The following STAMBPL1 variants were observed in gnomAD, a reference collection of about 807,000 sequenced individuals.
STAMBPL1 encodes the protein STAM binding protein like 1.
STAMBPL1 carries 44 observed loss-of-function variants against 52.9 expected under a neutral mutation model. The observed-to-expected ratio is 0.83, with a 90% CI of 0.65 to 1.07. The LOEUF (loss-of-function observed/expected upper bound fraction) is 1.07. STAMBPL1 is among the 50% of genes least tolerant of loss of function. The pLI is 0.00. For missense variants in STAMBPL1, 511 were observed against 520.8 expected (o/e 0.98, Z 0.18); for synonymous variants, 164 against 177.3 (o/e 0.92, Z 0.60).
At position 88,913,232 on chromosome 10, in the gene STAMBPL1, C is replaced by A. The variant is rs768911348; in HGVS notation, c.552C>A (p.Leu184=). 1 of 1,613,744 alleles carries A rather than the reference C, an allele frequency of 6.2e-7. No individual in the cohort carries two copies. The highest frequency in any genetic ancestry group is 1.7e-5 in the Admixed American group (1 of 59,926). ...AGTTTCTGTTTTTCGAAGATCAACT[C>A]AAGAAGCAAGAGTTAGCCCGAGGTC... ...SEQFLFFEDQ[L]KKQELARGQM... Residue 184 remains leucine, a synonymous_variant, in exon 6 of 11, where the codon CTC becomes CTA. Coordinates refer to ENST00000371926, the MANE Select transcript of STAMBPL1 (RefSeq NM_020799.4).
intron 1 of STAMBPL1, among the ~76,000 whole-genome samples, chr10:88,895,978 C>T (rs1031173639): frequency 6.6e-6 from 1 of 152,144 alleles, no homozygotes; most frequent in Admixed American, 6.5e-5. Context: ...CATTCTTGCT[C>T]ATTGATCTAA....
At chr10:88,916,091 T>C (rs1188591975) in intron 7 of STAMBPL1, among the ~76,000 whole-genome samples, 1 of 152,156 alleles carries the variant, frequency 6.6e-6, no homozygotes, top group African/African-American at 2.4e-5. Flanking sequence ...AATTTGTTTT[T>C]TCCTTTCTCT....
At chr10:88,898,235 G>A (rs1028755562) in intron 1 of STAMBPL1, among the ~76,000 whole-genome samples, 16 of 152,190 alleles carry the variant, frequency 1.1e-4, no homozygotes, top group South Asian at 1.0e-3. Flanking sequence ...ATTTATAAGA[G>A]TATGCAAGTA....
chr10:88,896,943 C>G (rs1210580012), intron 1 of STAMBPL1, among the ~76,000 whole-genome samples: 5 of 151,992 alleles, frequency 3.3e-5, no homozygotes, highest in Admixed American at 2.0e-4. Flanking sequence ...AAATAAGCAC[C>G]ATGCTAGGTC....
Position 88,910,931 on chromosome 10 carries a change from G to A in STAMBPL1, c.340G>A (p.Ala114Thr). ...QDIMKKLKEI[A>T]FPRTDELKND... ...TTTTTAAAAGAAACTGAAGGAGATT[G>A]CATTCCCAAGGACAGATGAATTGAA... is the stretch of plus-strand genomic sequence containing the variant. Residue 114 changes from alanine (A) to threonine (T), a missense_variant, in exon 5 of 11, where the codon GCA (alanine) becomes ACA (threonine). Around this residue, in one of 3 missense-constraint regions of STAMBPL1, gnomAD observed 358 missense variants for 343.5 expected, o/e 1.04. Transcript: ENST00000371926. 6.3e-7 allele frequency: 1 copy of A among 1,586,900 alleles called. No homozygotes were observed. The highest frequency in any genetic ancestry group is 8.5e-7 in the Non-Finnish European group (1 of 1,171,014).
At chr10:88,893,627 G>C (rs1334805730) in intron 1 of STAMBPL1, among the ~76,000 whole-genome samples, 1 of 152,124 alleles carries the variant, frequency 6.6e-6, no homozygotes, top group African/African-American at 2.4e-5. Context: ...TGTAATCCCA[G>C]CTACTTAGGA....
chr10:88,893,600 G>A (rs952093586), intron 1 of STAMBPL1, among the ~76,000 whole-genome samples: 1 of 152,108 alleles, frequency 6.6e-6, no homozygotes, highest in Non-Finnish European at 1.5e-5. Flanking sequence ...AATTAGCCAG[G>A]CATGGTAGTG....
chr10:88,891,683 C>T lies in STAMBPL1; in HGVS notation c.-53-9973C>T, dbSNP rs538432352. On this transcript the variant is annotated intron_variant, in intron 1 of 10. Coordinates refer to ENST00000371926, the MANE Select transcript of STAMBPL1 (RefSeq NM_020799.4). ...AAGGTATTTTTTTGCCAAAAAAATG[C>T]ATAACTCTCATTGTTTTCTGTATTT... is the stretch of plus-strand genomic sequence containing the variant. Among the ~76,000 whole-genome samples, 81 of 152,180 alleles carry T rather than the reference C, an allele frequency of 5.3e-4. 2 individuals carry two copies. The South Asian group carries it at 0.017, about 31-fold the overall frequency.
At position 88,922,357 on chromosome 10, in the gene STAMBPL1, C is replaced by A. The variant is rs1193521205; in HGVS notation, c.1175C>A (p.Thr392Asn). Residue 392 changes from threonine to asparagine, a missense_variant, in exon 10 of 11, where the codon ACC becomes AAC. By Grantham distance (65) the Thr-to-Asn change is moderately conservative. Coordinates refer to ENST00000371926, the MANE Select transcript of STAMBPL1 (RefSeq NM_020799.4). Reference protein sequence around the residue: ...KHKDTGIFRLTNAGMLEVSAC... With the variant: ...KHKDTGIFRLNNAGMLEVSAC... The stretch of plus-strand genomic sequence containing the variant: ...TTTAGCACTGGCATCTTCAGGCTCA[C>A]CAATGCTGGCATGCTTGAGGTTTCT... 6.2e-7 allele frequency: 1 copy of A among 1,613,294 alleles called. No homozygotes were observed. Among genetic ancestry groups the A allele is most frequent in the South Asian group, 1.1e-5 (1 of 91,052 alleles).
In STAMBPL1 at chr10:88,887,359, A is replaced by G. The variant is rs116783781; in HGVS notation, c.-54+6721A>G. Among the ~76,000 whole-genome samples the G allele has an allele frequency of 1.1e-3, 168 of 152,322 alleles. 1 individual carries two copies. Among genetic ancestry groups the G allele is most frequent in the African/African-American group, 3.9e-3 (164 of 41,578 alleles). ...TGTGGATCTTGAAAGAAATATAACT[A>G]TCATATTCTTATGGCACACGTAGTT... On this transcript the variant is annotated intron_variant, in intron 1 of 10. Coordinates refer to ENST00000371926, the MANE Select transcript of STAMBPL1 (RefSeq NM_020799.4).
chr10:88,893,358 G>A (rs1348523951), intron 1 of STAMBPL1, among the ~76,000 whole-genome samples: 2 of 152,178 alleles, frequency 1.3e-5, no homozygotes, highest in African/African-American at 2.4e-5. Context: ...GAATTGAACT[G>A]TGTCTAGATA....
intron 5 of STAMBPL1, chr10:88,912,353 TTCATATTA>T (rs1845247876): frequency 6.6e-6 from 1 of 152,218 alleles, no homozygotes; most frequent in African/African-American, 2.4e-5. Context: ...TCATTAATAT[TTCATATTA>T]TCTGACCTAA....
intron 1 of STAMBPL1, among the ~76,000 whole-genome samples, chr10:88,886,636 T>C (rs1436137359): frequency 1.3e-5 from 2 of 152,286 alleles, no homozygotes; most frequent in African/African-American, 4.8e-5. Context: ...CAGGAATTAT[T>C]CATTTTAATT....
intron 10 of STAMBPL1, among the ~76,000 whole-genome samples, chr10:88,922,812 G>C (rs947996729): frequency 6.6e-6 from 1 of 151,940 alleles, no homozygotes; most frequent in Non-Finnish European, 1.5e-5. Flanking sequence ...TTTTTTCATA[G>C]CAATTGATGG....
intron 1 of STAMBPL1, among the ~76,000 whole-genome samples, chr10:88,884,350 C>G (rs1188776273): frequency 6.6e-6 from 1 of 152,118 alleles, no homozygotes; most frequent in Non-Finnish European, 1.5e-5. Context: ...TATTAAGGCC[C>G]TTGAAAGGTG....
At chr10:88,883,047 C>T (rs1444051360) in intron 1 of STAMBPL1, among the ~76,000 whole-genome samples, 2 of 137,156 alleles carry the variant, frequency 1.5e-5, no homozygotes, top group South Asian at 2.5e-4. Flanking sequence ...GTGTGATGTT[C>T]CCCTTCCTGT....
chr10:88,906,110 AAGATCTGATTC>A (rs1015827390), intron 3 of STAMBPL1, among the ~76,000 whole-genome samples: 12 of 152,270 alleles, frequency 7.9e-5, no homozygotes, highest in African/African-American at 2.9e-4. Flanking sequence ...AGACACAGGA[AAGATCTGATTC>A]AGGTTCAGGG....
At chr10:88,910,069 T>A (rs1203775146) in intron 4 of STAMBPL1, among the ~76,000 whole-genome samples, 1 of 152,212 alleles carries the variant, frequency 6.6e-6, no homozygotes, top group Non-Finnish European at 1.5e-5. Context: ...AGGGTTATGC[T>A]TATTTTTTTT....
rs1461348227 is a variant in STAMBPL1, at chr10:88,911,030, T to G, written c.420+19T>G. ...AAGCAAAGTAAGTTCAGTTGGTACA[T>G]TTATTTCATGACTATTTTATGTACA... On this transcript the variant is annotated intron_variant, in intron 5 of 10. Coordinates refer to ENST00000371926, the MANE Select transcript of STAMBPL1 (RefSeq NM_020799.4). 6.9e-7 allele frequency: 1 copy of G among 1,448,328 alleles called. No individual in the cohort carries two copies. Among genetic ancestry groups the G allele is most frequent in the Admixed American group, 2.2e-5 (1 of 45,406 alleles). 89.7% of individuals were successfully genotyped at this position (1,448,328 alleles called of 1,614,324 possible). A position where few individuals can be genotyped will look rare whatever the true frequency, so the allele number is the denominator to read the frequency against.
Sources: allele counts gnomAD v4.1 joint callset (sites outside exome capture counted in the v4.1 genomes callset), GRCh38; gene constraint gnomAD v4.1.1; regional missense constraint gnomAD v4.1.1; transcripts MANE v1.5; gene names NCBI Gene and HGNC (gene_info 2026-07-23, HGNC 2026-07-21).